The following ANK2 variants were observed in gnomAD, a reference collection of about 807,000 sequenced individuals.
ANK2 encodes ankyrin-2.
A neutral mutation model predicts 360.5 loss-of-function variants in ANK2; 83 were observed. The ratio of observed to expected loss-of-function variants is 0.23; its 90% CI spans 0.19 to 0.28. The LOEUF (loss-of-function observed/expected upper bound fraction) is 0.28. Ranked by LOEUF, ANK2 falls within the 10% of genes least tolerant of loss-of-function variation. The probability of loss-of-function intolerance (pLI) is 1.00; values close to 1 mark genes in which losing one functional copy is unlikely to be tolerated. For missense variants in ANK2, 4,201 were observed against 4,795.7 expected (o/e 0.88, Z 3.66); for synonymous variants, 1,740 against 1,759.5 (o/e 0.99, Z 0.28).
At chr4:113,109,678 T>C (rs28635205) in intron 1 of ANK2, among the ~76,000 whole-genome samples, 2,965 of 152,306 alleles carry the variant, frequency 0.019, 100 homozygotes, top group African/African-American at 0.066. Flanking sequence ...TTTCAGTGGT[T>C]CCATTTTCCT....
rs566324717 is a variant in ANK2 at position 113,249,084 on chromosome 4, T to C, written c.892-680T>C. The stretch of plus-strand genomic sequence containing the variant: ...AGAAAGTTTTATAAGTAATATAGCA[T>C]ACAGTTCTGCCATATTTTATTTGAT... On this transcript the variant is annotated intron_variant, in intron 9 of 45. Coordinates refer to ENST00000357077, the MANE Select transcript of ANK2 (RefSeq NM_001148.6). Among the ~76,000 whole-genome samples, 21 of 152,348 alleles carry C rather than the reference T, an allele frequency of 1.4e-4. No homozygotes were observed. The South Asian group carries it at 4.4e-3, about 32-fold the overall frequency.
At chr4:112,997,642 T>A (rs182515645) in intron 2 of ANK2, among the ~76,000 whole-genome samples, 3 of 152,108 alleles carry the variant, frequency 2.0e-5, no homozygotes, top group Non-Finnish European at 4.4e-5. Flanking sequence ...AGTATATGTG[T>A]GCACAAATAT....
chr4:113,319,566 A>G (rs1006592495), intron 26 of ANK2, among the ~76,000 whole-genome samples: 2 of 151,846 alleles, frequency 1.3e-5, no homozygotes, highest in African/African-American at 2.4e-5. Flanking sequence ...AATATTCTTT[A>G]TTCAGGAAAG....
Position 113,354,486 on chromosome 4 carries a change from A to AACTG in ANK2, c.5870_5873dup (p.Glu1958AspfsTer2). The AACTG allele has an allele frequency of 6.2e-7, 1 of 1,614,148 alleles. No homozygotes were observed. Reference sequence around the variant, plus strand: ...ACCAACCTGTATCAACAGCTGGGAAAACTGAGAAGCACCTGCCTGTGTCAC... The same window carrying AACTG: ...ACCAACCTGTATCAACAGCTGGGAAAACTGACTGAGAAGCACCTGCCTGTGTCAC... On this transcript the variant is annotated frameshift_variant, in exon 38 of 46. Coordinates refer to ENST00000357077, the MANE Select transcript of ANK2 (RefSeq NM_001148.6). LOFTEE classifies it high-confidence loss of function.
intron 4 of ANK2, among the ~76,000 whole-genome samples, chr4:113,231,091 A>T (rs577288594): frequency 8.1e-5 from 12 of 147,966 alleles, no homozygotes; most frequent in Middle Eastern, 3.4e-3. Context: ...TCACTCTGTC[A>T]CCCAGGCTGG....
intron 2 of ANK2, among the ~76,000 whole-genome samples, chr4:113,043,404 C>T (rs1185433426): frequency 1.3e-5 from 2 of 151,932 alleles, no homozygotes; most frequent in East Asian, 3.9e-4. Flanking sequence ...TAGATCTGAC[C>T]CCAACTCTGT....
chr4:112,861,424 A>G (rs1028584912), intron 1 of ANK2, among the ~76,000 whole-genome samples: 1 of 152,214 alleles, frequency 6.6e-6, no homozygotes, highest in Non-Finnish European at 1.5e-5. Flanking sequence ...CTAAAAATGC[A>G]ATTGCTCTGA....
chr4:112,748,492 A>G, the ANK2 span, among the ~76,000 whole-genome samples: 1 of 152,080 alleles, frequency 6.6e-6, no homozygotes, highest in Non-Finnish European at 1.5e-5. Context: ...ATGACATATT[A>G]TTTTCACCTT....
At chr4:113,006,923 G>T (rs187329043) in intron 2 of ANK2, among the ~76,000 whole-genome samples, 7 of 151,938 alleles carry the variant, frequency 4.6e-5, no homozygotes, top group Admixed American at 2.0e-4. Flanking sequence ...TGAAAATTTT[G>T]TACTTTAAAA....
intron 2 of ANK2, among the ~76,000 whole-genome samples, chr4:113,002,150 A>G (rs908018635): frequency 9.2e-5 from 14 of 152,108 alleles, no homozygotes; most frequent in Non-Finnish European, 1.8e-4. Flanking sequence ...CATTAGGTAT[A>G]TCTCCCAATG....
chr4:113,379,293 A>G (rs552550303), intron 45 of ANK2, among the ~76,000 whole-genome samples: 1 of 152,362 alleles, frequency 6.6e-6, no homozygotes, highest in East Asian at 1.9e-4. Flanking sequence ...TTAGAGATCA[A>G]TTAATCCAAA....
At chr4:112,941,995 A>G (rs2094257483) in intron 2 of ANK2, among the ~76,000 whole-genome samples, 1 of 151,814 alleles carries the variant, frequency 6.6e-6, no homozygotes, top group Admixed American at 6.6e-5. Flanking sequence ...GCTGGCACAA[A>G]TGATAGCTAT....
chr4:113,247,669 CA>C (rs1284953931), intron 9 of ANK2, among the ~76,000 whole-genome samples: 1 of 152,178 alleles, frequency 6.6e-6, no homozygotes, highest in African/African-American at 2.4e-5. Flanking sequence ...TGAGAAACAT[CA>C]TCTCCACTCT....
At chr4:113,350,606 A>C (rs905997058) in intron 37 of ANK2, 2 of 243,344 alleles carry the variant, frequency 8.2e-6, no homozygotes, top group Admixed American at 5.1e-5. Flanking sequence ...CACTGACATG[A>C]CAGTATCACT....
At chr4:113,101,808 A>G (rs1449925286) in intron 1 of ANK2, among the ~76,000 whole-genome samples, 1 of 152,086 alleles carries the variant, frequency 6.6e-6, no homozygotes, top group Non-Finnish European at 1.5e-5. Flanking sequence ...GCATTAAGGG[A>G]GGCTTCTATG....
chr4:113,103,529 A>G (rs757977487), intron 1 of ANK2, among the ~76,000 whole-genome samples: 3 of 152,166 alleles, frequency 2.0e-5, no homozygotes, highest in Non-Finnish European at 4.4e-5. Flanking sequence ...AAGTAGTCAA[A>G]AGACACTCCA....
In ANK2 at chr4:113,365,075, G is replaced by A. The variant is rs757939990; in HGVS notation, c.10925G>A (p.Arg3642Gln). The A allele has an allele frequency of 6.8e-6, 11 of 1,613,704 alleles. No individual in the cohort carries two copies. Among genetic ancestry groups the A allele is most frequent in the Middle Eastern group, 1.6e-4 (1 of 6,084 alleles). Reference protein sequence around the residue: ...NLVECLTKINRMDIVHLMETN... With the variant: ...NLVECLTKINQMDIVHLMETN... Reference sequence around the variant, plus strand: ...GTTGAATGTCTCACCAAGATCAACCGAATGGATATTGTTCATCTCATGGAG... The same window carrying A: ...GTTGAATGTCTCACCAAGATCAACCAAATGGATATTGTTCATCTCATGGAG... The change falls in exon 41 of 46, where the codon CGA (arginine) becomes CAA (glutamine). Residue 3642 changes from arginine (R) to glutamine (Q), a missense_variant. This residue lies in a region of ANK2 where 2,642 missense variants were observed against 2,714.5 expected (regional missense o/e 0.97). Coordinates refer to ENST00000357077, the MANE Select transcript of ANK2 (RefSeq NM_001148.6).
chr4:113,347,395 G>C (rs1422341633), intron 35 of ANK2, among the ~76,000 whole-genome samples: 1 of 152,166 alleles, frequency 6.6e-6, no homozygotes, highest in Non-Finnish European at 1.5e-5. Context: ...TTAGTAGTGA[G>C]TCAGTGGAGG....
At chr4:113,185,427 C>G (rs1354940569) in intron 2 of ANK2, among the ~76,000 whole-genome samples, 2 of 152,194 alleles carry the variant, frequency 1.3e-5, no homozygotes, top group Admixed American at 6.5e-5. Context: ...GAGATGGTAT[C>G]TCATTGTGGT....
Sources: gnomAD v4.1 joint callset for allele counts (sites outside exome capture counted in the v4.1 genomes callset) on GRCh38, gnomAD v4.1.1 for gene constraint, gnomAD v4.1.1 regional missense constraint, MANE v1.5 for transcripts, NCBI Gene and HGNC (gene_info 2026-07-23, HGNC 2026-07-21) for gene names.